CNNM2: variants seen among roughly 807,000 people sequenced by gnomAD.
CNNM2 encodes the protein cyclin and CBS domain divalent metal cation transport mediator 2.
A neutral mutation model predicts 66.9 loss-of-function variants in CNNM2; 12 were observed. The observed-to-expected ratio is 0.18, with a 90% CI of 0.11 to 0.29. The LOEUF is 0.29. CNNM2 is among the 10% of genes least tolerant of loss of function. The probability of loss-of-function intolerance (pLI) is 1.00; values close to 1 mark genes in which losing one functional copy is unlikely to be tolerated. For synonymous variants in CNNM2, 557 were observed against 501.8 expected, an observed-to-expected ratio of 1.11 and a Z score of -1.47; for missense variants, 705 against 1,167.7, an observed-to-expected ratio of 0.60 and a Z score of 5.77.
rs772355243 is a variant in CNNM2 at position 102,919,034 on chromosome 10, A to G, written c.554A>G (p.Lys185Arg). 3.3e-5 allele frequency: 53 copies of G among 1,612,566 alleles called. No individual in the cohort carries two copies. The highest frequency in any genetic ancestry group is 4.5e-5 in the Non-Finnish European group (53 of 1,179,500). ...ATCAAACCGCTACGCAAGATGGAGA[A>G]GAGCAAGTCCTATTACCTGTGCACG... ...IEIKPLRKME[K>R]SKSYYLCTSL... The change falls in exon 1 of 8, where the codon AAG (lysine) becomes AGG (arginine). Residue 185 changes from lysine to arginine, a missense_variant. By Grantham distance (26) the Lys-to-Arg change is conservative. Around this residue, in one of 9 missense-constraint regions of CNNM2, gnomAD observed 100 missense variants for 151.9 expected, o/e 0.66. Transcript: ENST00000369878.
intron 1 of CNNM2, among the ~76,000 whole-genome samples, chr10:103,041,818 CA>C (rs1361641240): frequency 1.3e-5 from 2 of 152,116 alleles, no homozygotes; most frequent in African/African-American, 4.8e-5. Context: ...CACTCTTTCT[CA>C]AGTCTCTCTT....
chr10:103,076,872 A>AG, intron 7 of CNNM2, 99 bp from the exon 8 acceptor site: 2 of 1,057,094 alleles, frequency 1.9e-6, no homozygotes, highest in Non-Finnish European at 2.9e-6. Flanking sequence ...TCTCCTAGAG[A>AG]GGCTGCTGTG....
At chr10:102,956,498 C>T (rs1847041831) in intron 1 of CNNM2, among the ~76,000 whole-genome samples, 2 of 152,094 alleles carry the variant, frequency 1.3e-5, no homozygotes, top group African/African-American at 4.8e-5. Context: ...ATAAATCATG[C>T]TACTATAAAG....
intron 1 of CNNM2, among the ~76,000 whole-genome samples, chr10:102,987,477 C>T (rs548092501): frequency 1.3e-5 from 2 of 151,966 alleles, no homozygotes; most frequent in African/African-American, 2.4e-5. Context: ...CCCACCACCA[C>T]GCCTGGCTAA....
At position 103,002,329 on chromosome 10, in the gene CNNM2, A is replaced by G. The variant is rs146136051; in HGVS notation, c.1622-47378A>G. Among the ~76,000 whole-genome samples the G allele has an allele frequency of 4.2e-3, 639 of 152,366 alleles. 4 individuals are homozygous for G. Among genetic ancestry groups the G allele is most frequent in the African/African-American group, 0.015 (610 of 41,582 alleles). On this transcript the variant is annotated intron_variant, in intron 1 of 7. Coordinates refer to ENST00000369878, the MANE Select transcript of CNNM2 (RefSeq NM_017649.5). ...AAGGATCTTAATAGACATTTCTCTAACAAGGATGTACAAATGAACAATAAG... is the reference window on the plus strand; with the variant it reads ...AAGGATCTTAATAGACATTTCTCTAGCAAGGATGTACAAATGAACAATAAG...
In CNNM2 at chr10:102,919,088, G is replaced by A; in HGVS notation, c.608G>A (p.Gly203Asp). 1 of 1,611,898 alleles carries A rather than the reference G, an allele frequency of 6.2e-7. No homozygotes were observed. The highest frequency in any genetic ancestry group is 8.5e-7 in the Non-Finnish European group (1 of 1,179,364). Reference protein sequence around the residue: ...TSLSTPALGAGGSGSTGGAVG... With the variant: ...TSLSTPALGADGSGSTGGAVG... ...CTCTCCACGCCCGCCCTGGGCGCCGGCGGCTCGGGGTCCACGGGTGGCGCC... is the reference window on the plus strand; with the variant it reads ...CTCTCCACGCCCGCCCTGGGCGCCGACGGCTCGGGGTCCACGGGTGGCGCC... Residue 203 changes from glycine (G) to aspartate (D), a missense_variant, in exon 1 of 8, where the codon GGC becomes GAC. By Grantham distance (94) the Gly-to-Asp change is moderately conservative. Coordinates refer to ENST00000369878, the MANE Select transcript of CNNM2 (RefSeq NM_017649.5).
intron 1 of CNNM2, among the ~76,000 whole-genome samples, chr10:103,048,756 A>G (rs1419043701): frequency 1.3e-5 from 2 of 152,238 alleles, no homozygotes; most frequent in African/African-American, 2.4e-5. Context: ...ATACTTCAGA[A>G]TTCAACAGAA....
chr10:103,028,265 GT>G (rs2064745113), intron 1 of CNNM2, among the ~76,000 whole-genome samples: 1 of 152,320 alleles, frequency 6.6e-6, no homozygotes, highest in South Asian at 2.1e-4. Flanking sequence ...TGAATGTTGA[GT>G]TCTTTTGGCC....
chr10:102,968,684 A>G (rs1484013479), intron 1 of CNNM2, among the ~76,000 whole-genome samples: 1 of 151,388 alleles, frequency 6.6e-6, no homozygotes, highest in East Asian at 1.9e-4. Flanking sequence ...GCTCATTGCA[A>G]CCTTGACCTC....
chr10:103,041,031 CCTG>C (rs1263936198), intron 1 of CNNM2, among the ~76,000 whole-genome samples: 2 of 152,122 alleles, frequency 1.3e-5, no homozygotes, highest in Non-Finnish European at 2.9e-5. Flanking sequence ...GCTTAAGGGA[CCTG>C]CTATCAACAA....
chr10:102,999,017 G>A (rs997807307), intron 1 of CNNM2, among the ~76,000 whole-genome samples: 4 of 151,972 alleles, frequency 2.6e-5, no homozygotes, highest in Non-Finnish European at 5.9e-5. Flanking sequence ...TGATTCTTGT[G>A]CCTCAGCCTC....
intron 1 of CNNM2, among the ~76,000 whole-genome samples, chr10:102,933,804 A>T (rs1846138555): frequency 6.6e-6 from 1 of 152,108 alleles, no homozygotes; most frequent in Non-Finnish European, 1.5e-5. Context: ...CGGATATGGA[A>T]TTGGGAAGAT....
chr10:103,040,675 T>C (rs1334950756), intron 1 of CNNM2, among the ~76,000 whole-genome samples: 1 of 151,570 alleles, frequency 6.6e-6, no homozygotes, highest in East Asian at 1.9e-4. Context: ...GACCATGTTG[T>C]AGCACACTGA....
intron 6 of CNNM2, among the ~76,000 whole-genome samples, chr10:103,075,118 C>T (rs2065667026): frequency 6.6e-6 from 1 of 152,122 alleles, no homozygotes; most frequent in Non-Finnish European, 1.5e-5. Context: ...ACAAACTTTC[C>T]CGATAGCCGA....
chr10:102,932,093 T>C (rs914719956), intron 1 of CNNM2, among the ~76,000 whole-genome samples: 4 of 152,198 alleles, frequency 2.6e-5, no homozygotes, highest in Non-Finnish European at 4.4e-5. Flanking sequence ...TTGTCAGATA[T>C]ATGATTTGCA....
chr10:102,928,257 G>A (rs577333863), intron 1 of CNNM2, among the ~76,000 whole-genome samples: 3 of 152,246 alleles, frequency 2.0e-5, no homozygotes, highest in Admixed American at 2.0e-4. Flanking sequence ...TGTTTGTGCT[G>A]CTGTAACAAA....
At chr10:103,028,729 A>C (rs2064756189) in intron 1 of CNNM2, among the ~76,000 whole-genome samples, 1 of 151,818 alleles carries the variant, frequency 6.6e-6, no homozygotes, top group Admixed American at 6.6e-5. Context: ...ATCTCCTCTT[A>C]TGACAAGATC....
chr10:102,921,093 T>G, intron 1 of CNNM2: 1 of 964,002 alleles, frequency 1.0e-6, no homozygotes, highest in Non-Finnish European at 1.2e-6. Flanking sequence ...TTATATTTGT[T>G]CGTTTGACCA....
intron 1 of CNNM2, among the ~76,000 whole-genome samples, chr10:103,003,725 A>G (rs2064168792): frequency 6.6e-6 from 1 of 151,894 alleles, no homozygotes. Flanking sequence ...TTGAGCCAAG[A>G]TCGCGCCACT....
Sources: allele counts gnomAD v4.1 joint callset (sites outside exome capture counted in the v4.1 genomes callset), GRCh38; gene constraint gnomAD v4.1.1; regional missense constraint gnomAD v4.1.1; transcripts MANE v1.5; gene names NCBI Gene and HGNC (gene_info 2026-07-23, HGNC 2026-07-21).